Variants in PRMT8 observed in about 807,000 individuals in gnomAD.
The protein encoded by PRMT8 is protein arginine methyltransferase 8, also known as protein arginine N-methyltransferase 8.
In PRMT8, 7 loss-of-function variants were observed where a neutral mutation model predicts 47.1. The ratio of observed to expected loss-of-function variants is 0.15; its 90% CI spans 0.08 to 0.28. The LOEUF (loss-of-function observed/expected upper bound fraction) is 0.28, where lower values mean the gene tolerates loss of function less well. Among genes scored for constraint, PRMT8 ranks in the 10% least tolerant of loss-of-function variants. The pLI is 1.00. For missense variants in PRMT8, 237 were observed against 505.4 expected, an observed-to-expected ratio of 0.47 and a Z score of 5.09; for synonymous variants, 188 against 186.5, an observed-to-expected ratio of 1.01 and a Z score of -0.07.
At chr12:3,494,874 A>G (rs1459214714) in intron 1 of PRMT8, among the ~76,000 whole-genome samples, 2 of 152,130 alleles carry the variant, frequency 1.3e-5, no homozygotes, top group South Asian at 2.1e-4. Context: ...TCCTCATGGA[A>G]TAGGGCAGGT....
chr12:3,406,217 G>A (rs1344089155), intron 1 of PRMT8, among the ~76,000 whole-genome samples: 1 of 152,224 alleles, frequency 6.6e-6, no homozygotes, highest in African/African-American at 2.4e-5. Context: ...CTGGGATTCA[G>A]GGGACAAGGT....
chr12:3,459,572 A>G (rs967752507), intron 1 of PRMT8, among the ~76,000 whole-genome samples: 1 of 152,200 alleles, frequency 6.6e-6, no homozygotes, highest in Non-Finnish European at 1.5e-5. Context: ...ATTTATGCAA[A>G]CACTATGCCA....
At chr12:3,399,590 G>A (rs2137050209) in intron 1 of PRMT8, among the ~76,000 whole-genome samples, 1 of 152,178 alleles carries the variant, frequency 6.6e-6, no homozygotes, top group South Asian at 2.1e-4. Context: ...GAATATAACT[G>A]TACCTGAAAT....
chr12:3,469,371 A>G lies in PRMT8; in HGVS notation c.49-71235A>G, dbSNP rs951388491. Reference sequence around the variant, plus strand: ...GGAAATTGTCCTTAGAAGTGAAGAAATGCTTAGGGGCAGGAGCAAAAAGAG... The same window carrying G: ...GGAAATTGTCCTTAGAAGTGAAGAAGTGCTTAGGGGCAGGAGCAAAAAGAG... On this transcript the variant is annotated intron_variant, in intron 1 of 9. Transcript: ENST00000452611. 14 of 287,002 alleles carry G rather than the reference A, an allele frequency of 4.9e-5. No homozygotes were observed. In the Admixed American group the frequency reaches 5.3e-4, roughly 11 times the overall value. 17.8% of individuals were successfully genotyped at this position (287,002 alleles called of 1,614,324 possible).
upstream of PRMT8, among the ~76,000 whole-genome samples, chr12:3,490,012 T>C (rs1865363446): frequency 6.6e-6 from 1 of 152,120 alleles, no homozygotes; most frequent in Non-Finnish European, 1.5e-5. Flanking sequence ...TTCTAGACCT[T>C]TTCTTCAATG....
chr12:3,525,736 T>G (rs1453953012), intron 1 of PRMT8, among the ~76,000 whole-genome samples: 1 of 152,218 alleles, frequency 6.6e-6, no homozygotes, highest in Non-Finnish European at 1.5e-5. Context: ...AAAGGCTGTG[T>G]CTAGATTTCA....
Position 3,540,618 on chromosome 12 carries a change from C to T in PRMT8, c.88C>T (p.Pro30Ser), listed in dbSNP as rs775436713. 1.6e-5 allele frequency: 18 copies of T among 1,134,802 alleles called. 1 individual carries two copies. In the South Asian group the frequency reaches 1.9e-4, roughly 12 times the overall value. 70.3% of individuals were successfully genotyped at this position (1,134,802 alleles called of 1,614,324 possible). A position where few individuals can be genotyped will look rare whatever the true frequency, so the allele number is the denominator to read the frequency against. ...AAESTEVNSP[P>S]SQPPQPVVPA... is the part of the protein sequence containing the mutation. ...CTCTTCCCCTCAGGTGAACAGCCCC[C>T]CCTCCCAGCCCCCCCAGCCCGTCGT... The change falls in exon 2 of 10, where the codon CCC becomes TCC. Residue 30 changes from proline to serine, a missense_variant. Around this residue, in one of 5 missense-constraint regions of PRMT8, gnomAD observed 43 missense variants for 32.4 expected, o/e 1.33. Coordinates refer to ENST00000382622, the MANE Select transcript of PRMT8 (RefSeq NM_019854.5).
chr12:3,532,960 G>C (rs1033704450), intron 1 of PRMT8, among the ~76,000 whole-genome samples: 1 of 152,170 alleles, frequency 6.6e-6, no homozygotes, highest in Non-Finnish European at 1.5e-5. Context: ...AGGCCTCCCA[G>C]AGTGGGAGGG....
At chr12:3,504,429 C>A (rs1490988802) in intron 1 of PRMT8, among the ~76,000 whole-genome samples, 2 of 111,534 alleles carry the variant, frequency 1.8e-5, no homozygotes, top group African/African-American at 5.2e-5. Context: ...CAGACAGGAC[C>A]CTCAGCTGCA....
At chr12:3,581,121 G>C (rs1419803333) in intron 7 of PRMT8, among the ~76,000 whole-genome samples, 1 of 152,214 alleles carries the variant, frequency 6.6e-6, no homozygotes, top group Non-Finnish European at 1.5e-5. Context: ...GCTGCTATAA[G>C]TATGTGCCAA....
rs1865425442 is a variant in PRMT8 at position 3,492,140 on chromosome 12, C to A, written c.75+440C>A. 6.6e-6 allele frequency among the ~76,000 whole-genome samples: 1 copy of A among 151,866 alleles called. No homozygotes were observed. The highest frequency in any genetic ancestry group is 2.1e-4 in the South Asian group (1 of 4,814). ...GGTCTGCCCCCTGCAGTGCCTTGAC[C>A]GTCTCCTGCCGCTGCCTCAGCTTTA... On this transcript the variant is annotated intron_variant, in intron 1 of 9. Coordinates refer to ENST00000382622, the MANE Select transcript of PRMT8 (RefSeq NM_019854.5). The surrounding 1 kb of genome is among the most constrained non-coding windows in gnomAD (Gnocchi z 7.5).
chr12:3,513,525 C>G (rs967067370), intron 1 of PRMT8, among the ~76,000 whole-genome samples: 1 of 152,170 alleles, frequency 6.6e-6, no homozygotes, highest in Admixed American at 6.5e-5. Flanking sequence ...ATGATTCTAG[C>G]ACATCTTGGA....
intron 1 of PRMT8, among the ~76,000 whole-genome samples, chr12:3,464,647 G>T (rs920809095): frequency 1.3e-5 from 2 of 152,076 alleles, no homozygotes; most frequent in Non-Finnish European, 2.9e-5. Context: ...CCCATACCCC[G>T]GTATCTGTAG....
intron 1 of PRMT8, among the ~76,000 whole-genome samples, chr12:3,402,312 T>A (rs1864325757): frequency 6.6e-6 from 1 of 152,152 alleles, no homozygotes; most frequent in South Asian, 2.1e-4. Flanking sequence ...TTACGTCATA[T>A]ACAAAAATTA....
Position 3,569,415 on chromosome 12 carries a change from A to C in PRMT8, c.625-62A>C. On this transcript the variant is annotated intron_variant, in intron 5 of 9. Transcript: ENST00000382622. This position sits in a 1 kb window ranked among gnomAD's most constrained non-coding sequence, Gnocchi z 8.2. Reference sequence around the variant, plus strand: ...TCTGGTGACTCTATGTGCAGTTCAAAATGTGATGTCTTTGTCAGGTGAATA... The same window carrying C: ...TCTGGTGACTCTATGTGCAGTTCAACATGTGATGTCTTTGTCAGGTGAATA... 1 of 1,397,090 alleles carries C rather than the reference A, an allele frequency of 7.2e-7. No homozygotes were observed. The highest frequency in any genetic ancestry group is 1.0e-6 in the Non-Finnish European group (1 of 981,906). The allele number at this position is 1,397,090 out of a possible 1,614,324, so 86.5% of individuals were successfully genotyped here. A position where few individuals can be genotyped will look rare whatever the true frequency, so the allele number is the denominator to read the frequency against.
rs547570039 is a variant in PRMT8 at position 3,593,258 on chromosome 12, C to G, written c.*76C>G. The G allele has an allele frequency of 2.4e-6, 3 of 1,263,876 alleles. No individual in the cohort carries two copies. Among genetic ancestry groups the G allele is most frequent in the Non-Finnish European group, 3.4e-6 (3 of 883,752 alleles). The allele number at this position is 1,263,876 out of a possible 1,614,324, so 78.3% of individuals were successfully genotyped here. On this transcript the variant is annotated 3_prime_UTR_variant, in exon 10 of 10. Coordinates refer to ENST00000382622, the MANE Select transcript of PRMT8 (RefSeq NM_019854.5). The surrounding 1 kb of genome is among the most constrained non-coding windows in gnomAD (Gnocchi z 4.8). ...TCTGCCGTGCCGTCCCAAAGAATAC[C>G]GTTTGCAGGACTACACACTTGAAAA...
In PRMT8 at chr12:3,569,333, T is replaced by C; in HGVS notation, c.625-144T>C. Reference sequence around the variant, plus strand: ...AAATTGAGCACTGCTGTCCTAGCCCTCACCCCAGACAAGGTGACAGTCCAC... The same window carrying C: ...AAATTGAGCACTGCTGTCCTAGCCCCCACCCCAGACAAGGTGACAGTCCAC... On this transcript the variant is annotated intron_variant, in intron 5 of 9. Coordinates refer to ENST00000382622, the MANE Select transcript of PRMT8 (RefSeq NM_019854.5). This position sits in a 1 kb window ranked among gnomAD's most constrained non-coding sequence, Gnocchi z 8.2. The C allele has an allele frequency of 1.3e-6, 1 of 748,188 alleles. No homozygotes were observed. Among genetic ancestry groups the C allele is most frequent in the Non-Finnish European group, 2.4e-6 (1 of 417,648 alleles). 46.3% of individuals were successfully genotyped at this position (748,188 alleles called of 1,614,324 possible).
At chr12:3,517,578 G>A (rs1429218045) in intron 1 of PRMT8, among the ~76,000 whole-genome samples, 1 of 152,140 alleles carries the variant, frequency 6.6e-6, no homozygotes, top group East Asian at 1.9e-4. Flanking sequence ...GGAGGTCTTG[G>A]GGGTGGAAGA....
intron 1 of PRMT8, among the ~76,000 whole-genome samples, chr12:3,388,041 T>TTTCCTTCC (rs779899991): frequency 5.9e-5 from 8 of 136,056 alleles, no homozygotes; most frequent in African/African-American, 1.4e-4. Flanking sequence ...TTTCTCCTTC[T>TTTCCTTCC]TTCCTTCCTT....
Sources: allele counts gnomAD v4.1 joint callset (sites outside exome capture counted in the v4.1 genomes callset), GRCh38; gene constraint gnomAD v4.1.1; regional missense constraint gnomAD v4.1.1; non-coding constraint Gnocchi (gnomAD v3.1); transcripts MANE v1.5; gene names NCBI Gene and HGNC (gene_info 2026-07-23, HGNC 2026-07-21).